ATXN1: variants seen among roughly 807,000 people sequenced by gnomAD.
ATXN1 encodes ataxin-1.
A neutral mutation model predicts 56.4 loss-of-function variants in ATXN1; 8 were observed. The observed-to-expected ratio is 0.14, with a 90% CI of 0.08 to 0.26. The LOEUF (loss-of-function observed/expected upper bound fraction) is 0.26, where lower values mean the gene tolerates loss of function less well. Among genes scored for constraint, ATXN1 ranks in the 10% least tolerant of loss-of-function variants. The probability of loss-of-function intolerance (pLI) is 1.00; values close to 1 mark genes in which losing one functional copy is unlikely to be tolerated. For missense variants in ATXN1, 987 were observed against 1,106.5 expected, an observed-to-expected ratio of 0.89 and a Z score of 1.53; for synonymous variants, 514 against 494.6, an observed-to-expected ratio of 1.04 and a Z score of -0.52.
In ATXN1 at chr6:16,655,342, G is replaced by T. The variant is rs903647356; in HGVS notation, c.-489+2434C>A. On this transcript the variant is annotated intron_variant, in intron 3 of 7. Coordinates refer to ENST00000436367, the MANE Select transcript of ATXN1 (RefSeq NM_001128164.2). Reference sequence around the variant, plus strand: ...TCCAGACCAGTCTGGACAACATAGCGAGACCTCGTATCTACAAAAAAATGG... The same window carrying T: ...TCCAGACCAGTCTGGACAACATAGCTAGACCTCGTATCTACAAAAAAATGG... 2.0e-5 allele frequency among the ~76,000 whole-genome samples: 3 copies of T among 152,124 alleles called. No individual in the cohort carries two copies. In the South Asian group the frequency reaches 6.2e-4, roughly 32 times the overall value.
intron 2 of ATXN1, among the ~76,000 whole-genome samples, chr6:16,740,411 A>C (rs1027774441): frequency 4.6e-5 from 7 of 152,204 alleles, no homozygotes; most frequent in African/African-American, 1.7e-4. Flanking sequence ...TGTAACATCT[A>C]GTAGAAAGAC....
intron 2 of ATXN1, chr6:16,736,765 T>C (rs1183368661): frequency 2.0e-5 from 3 of 152,246 alleles, no homozygotes; most frequent in Non-Finnish European, 2.9e-5. Context: ...TGAAATAGAT[T>C]CATCAGCATT....
At chr6:16,346,776 T>G (rs1761405016) in intron 6 of ATXN1, among the ~76,000 whole-genome samples, 1 of 152,196 alleles carries the variant, frequency 6.6e-6, no homozygotes, top group South Asian at 2.1e-4. Context: ...GGCTCCCACT[T>G]TGGCGGCTCT....
chr6:16,398,932 T>C (rs1360374587), intron 6 of ATXN1, among the ~76,000 whole-genome samples: 1 of 152,232 alleles, frequency 6.6e-6, no homozygotes, highest in South Asian at 2.1e-4. Flanking sequence ...TTGAACCGAT[T>C]GTACAACATG....
At chr6:16,318,974 T>C (rs1760582027) in intron 7 of ATXN1, among the ~76,000 whole-genome samples, 1 of 152,022 alleles carries the variant, frequency 6.6e-6, no homozygotes, top group African/African-American at 2.4e-5. Context: ...CCCAGCACTT[T>C]GGGGGCCTGA....
At chr6:16,690,531 C>T (rs1759022829) in intron 2 of ATXN1, among the ~76,000 whole-genome samples, 1 of 152,020 alleles carries the variant, frequency 6.6e-6, no homozygotes, top group Non-Finnish European at 1.5e-5. Flanking sequence ...TTAGAAGTCC[C>T]AACACATTGA....
chr6:16,717,832 A>AT, intron 2 of ATXN1, among the ~76,000 whole-genome samples: 1 of 152,216 alleles, frequency 6.6e-6, no homozygotes, highest in Non-Finnish European at 1.5e-5. Context: ...ATGCAGATCC[A>AT]GCCAGCCCTC....
rs189046826 is a variant in ATXN1, at chr6:16,534,592, A to C, written c.-360-11904T>G. Among the ~76,000 whole-genome samples, 388 of 152,112 alleles carry C rather than the reference A, an allele frequency of 2.6e-3. 4 individuals carry two copies. Among genetic ancestry groups the C allele is most frequent in the Non-Finnish European group, 3.1e-3 (214 of 67,974 alleles). On this transcript the variant is annotated intron_variant, in intron 4 of 7. Transcript: ENST00000436367. ...TAACATGATGTCAACATGCTCCCCAAATTTCTGAACATTTAACACTTGGCT... is the reference window on the plus strand; with the variant it reads ...TAACATGATGTCAACATGCTCCCCACATTTCTGAACATTTAACACTTGGCT...
intron 3 of ATXN1, among the ~76,000 whole-genome samples, chr6:16,648,136 A>G (rs926377243): frequency 6.6e-6 from 1 of 152,200 alleles, no homozygotes; most frequent in Non-Finnish European, 1.5e-5. Context: ...GTCTGTATGT[A>G]GATCCTTAAG....
At position 16,559,574 on chromosome 6, in the gene ATXN1, T is replaced by G. The variant is rs559199621; in HGVS notation, c.-361+26206A>C. Reference sequence around the variant, plus strand: ...AAACATTGTTTTAAAAAACCTATATTTTTGCTTATATAATCATAAAATATC... The same window carrying G: ...AAACATTGTTTTAAAAAACCTATATGTTTGCTTATATAATCATAAAATATC... On this transcript the variant is annotated intron_variant, in intron 4 of 7. Transcript: ENST00000436367. Among the ~76,000 whole-genome samples, 105 of 152,278 alleles carry G rather than the reference T, an allele frequency of 6.9e-4. 1 individual carries two copies. The South Asian group carries it at 0.021, about 30-fold the overall frequency.
intron 7 of ATXN1, among the ~76,000 whole-genome samples, chr6:16,309,769 C>T (rs1332216868): frequency 6.6e-6 from 1 of 151,986 alleles, no homozygotes; most frequent in Non-Finnish European, 1.5e-5. Flanking sequence ...TGTGGTGGCT[C>T]CTGCCTGTAA....
At chr6:16,547,147 G>C (rs73724895) in intron 4 of ATXN1, among the ~76,000 whole-genome samples, 42 of 152,294 alleles carry the variant, frequency 2.8e-4, no homozygotes, top group African/African-American at 9.9e-4. Flanking sequence ...TCACGAAAGT[G>C]TCCAAGCCTG....
chr6:16,504,717 G>T (rs9297009), intron 5 of ATXN1, among the ~76,000 whole-genome samples: 1 of 152,162 alleles, frequency 6.6e-6, no homozygotes, highest in Non-Finnish European at 1.5e-5. Context: ...GACGTGAACT[G>T]CTCCCCACAA....
chr6:16,438,956 A>AATCAAGTCT (rs1353582901), intron 6 of ATXN1, among the ~76,000 whole-genome samples: 1 of 152,174 alleles, frequency 6.6e-6, no homozygotes, highest in Non-Finnish European at 1.5e-5. Flanking sequence ...GTAAGATGGG[A>AATCAAGTCT]ATCAAGTCTA....
In ATXN1 at chr6:16,536,545, G is replaced by A. The variant is rs190241102; in HGVS notation, c.-360-13857C>T. The stretch of plus-strand genomic sequence containing the variant: ...AACAACTCTGCCCAGTCATAGAAGA[G>A]TTTCCCAGGAAAGATTTATTTAGCC... On this transcript the variant is annotated intron_variant, in intron 4 of 7. Transcript: ENST00000436367. 3.3e-3 allele frequency among the ~76,000 whole-genome samples: 496 copies of A among 152,258 alleles called. 3 individuals carry two copies. The highest frequency in any genetic ancestry group is 0.011 in the African/African-American group (466 of 41,548).
Position 16,760,076 on chromosome 6 carries a change from G to A in ATXN1, c.-730+1222C>T, listed in dbSNP as rs1446064551. ...CCTCACCTCTCGCTCCGCCCGTCCG[G>A]CCCCCTTCCCTGCCCCCTGCGGGAC... On this transcript the variant is annotated intron_variant, in intron 1 of 7. Coordinates refer to ENST00000436367, the MANE Select transcript of ATXN1 (RefSeq NM_001128164.2). The surrounding 1 kb of genome is among the most constrained non-coding windows in gnomAD (Gnocchi z 5.3). Among the ~76,000 whole-genome samples the A allele has an allele frequency of 6.6e-6, 1 of 151,800 alleles. No individual in the cohort carries two copies. Among genetic ancestry groups the A allele is most frequent in the Admixed American group, 6.6e-5 (1 of 15,252 alleles).
rs73366748 is a variant in ATXN1, at chr6:16,449,565, C to T, written c.-161+36407G>A. Reference sequence around the variant, plus strand: ...TTATAATTTAAAAAGTGTTTTCTCCCTCTAATGGAAGATTTAGGCTAGAGG... The same window carrying T: ...TTATAATTTAAAAAGTGTTTTCTCCTTCTAATGGAAGATTTAGGCTAGAGG... On this transcript the variant is annotated intron_variant, in intron 6 of 7. Coordinates refer to ENST00000436367, the MANE Select transcript of ATXN1 (RefSeq NM_001128164.2). 7.7e-3 allele frequency among the ~76,000 whole-genome samples: 1,173 copies of T among 152,220 alleles called. 6 individuals are homozygous for T. Among genetic ancestry groups the T allele is most frequent in the African/African-American group, 0.026 (1,078 of 41,530 alleles).
At position 16,362,745 on chromosome 6, in the gene ATXN1, ATTC is replaced by A. The variant is rs1313275102; in HGVS notation, c.-160-34278_-160-34276del. ...TTGCTTGTACTGTAAAAGGTTCTCT[ATTC>A]ATATAGATGTGATATTCAGTTTATG... On this transcript the variant is annotated intron_variant, in intron 6 of 7. Coordinates refer to ENST00000436367, the MANE Select transcript of ATXN1 (RefSeq NM_001128164.2). 1.5e-3 allele frequency among the ~76,000 whole-genome samples: 234 copies of A among 151,754 alleles called. 1 individual carries two copies. Among genetic ancestry groups the A allele is most frequent in the Non-Finnish European group, 2.9e-3 (195 of 67,854 alleles).
At chr6:16,573,214 C>T in intron 4 of ATXN1, among the ~76,000 whole-genome samples, 1 of 151,884 alleles carries the variant, frequency 6.6e-6, no homozygotes. Flanking sequence ...TCCTTCCTCA[C>T]CTAGAATACA....
Sources: allele counts gnomAD v4.1 joint callset (sites outside exome capture counted in the v4.1 genomes callset), GRCh38; gene constraint gnomAD v4.1.1; non-coding constraint Gnocchi (gnomAD v3.1); transcripts MANE v1.5; gene names NCBI Gene and HGNC (gene_info 2026-07-23, HGNC 2026-07-21).